LRMDA: variants seen among roughly 807,000 people sequenced by gnomAD.
The protein encoded by LRMDA is leucine-rich melanocyte differentiation-associated protein.
A neutral mutation model predicts 29.8 loss-of-function variants in LRMDA; 18 were observed. That is an observed-to-expected ratio of 0.60 (90% CI 0.42 to 0.90). LRMDA has a LOEUF of 0.90. Among genes scored for constraint, LRMDA ranks in the 40% least tolerant of loss-of-function variants. The probability of loss-of-function intolerance (pLI) is 0.00; values close to 1 mark genes in which losing one functional copy is unlikely to be tolerated. For missense variants in LRMDA, 273 were observed against 273.9 expected (o/e 1.00, Z 0.02); for synonymous variants, 125 against 109.4 (o/e 1.14, Z -0.89).
At chr10:76,004,134 T>C (rs1278630417) in intron 2 of LRMDA, among the ~76,000 whole-genome samples, 1 of 152,224 alleles carries the variant, frequency 6.6e-6, no homozygotes, top group African/African-American at 2.4e-5. Context: ...ACACCATAAG[T>C]TACTAGTTGC....
In LRMDA at chr10:76,241,401, C is replaced by A. The variant is rs186388312; in HGVS notation, c.517-83000C>A. Among the ~76,000 whole-genome samples the A allele has an allele frequency of 1.7e-3, 264 of 152,220 alleles. 2 individuals carry two copies. The highest frequency in any genetic ancestry group is 5.7e-3 in the African/African-American group (235 of 41,520). ...TTGAGCATCTTTTGATGATGGTGAC[C>A]TAAGTCCATTATTTCATTACAGGTG... is the stretch of plus-strand genomic sequence containing the variant. On this transcript the variant is annotated intron_variant, in intron 5 of 6. Transcript: ENST00000611255.
At chr10:75,638,827 T>TC (rs1208745251) in intron 2 of LRMDA, among the ~76,000 whole-genome samples, 1 of 152,154 alleles carries the variant, frequency 6.6e-6, no homozygotes, top group Non-Finnish European at 1.5e-5. Context: ...TTGTGTTTTT[T>TC]CCCCCCTAAA....
intron 5 of LRMDA, among the ~76,000 whole-genome samples, chr10:76,100,542 C>CTT (rs934003406): frequency 8.2e-6 from 1 of 121,240 alleles, no homozygotes; most frequent in African/African-American, 3.0e-5. Flanking sequence ...CAATCAATGG[C>CTT]TTTTGCTTTA....
At chr10:76,074,194 A>G (rs1848920499) in intron 5 of LRMDA, among the ~76,000 whole-genome samples, 1 of 152,252 alleles carries the variant, frequency 6.6e-6, no homozygotes, top group Non-Finnish European at 1.5e-5. Context: ...TGATTTGGAA[A>G]GCAAATCAAA....
At chr10:76,011,188 G>A (rs185528640) in intron 2 of LRMDA, among the ~76,000 whole-genome samples, 12 of 152,250 alleles carry the variant, frequency 7.9e-5, no homozygotes, top group South Asian at 4.1e-4. Context: ...TTGTGGGAGC[G>A]TCATCAAAGC....
At chr10:75,909,865 C>T (rs1018065908) in intron 2 of LRMDA, among the ~76,000 whole-genome samples, 3 of 152,146 alleles carry the variant, frequency 2.0e-5, no homozygotes, top group African/African-American at 7.2e-5. Flanking sequence ...GTGAGTACTT[C>T]TAAATTTTGA....
chr10:75,807,395 A>G (rs1428757800), intron 2 of LRMDA, among the ~76,000 whole-genome samples: 1 of 152,242 alleles, frequency 6.6e-6, no homozygotes, highest in East Asian at 1.9e-4. Context: ...GATGGCTCAC[A>G]TCGCCTAGCC....
chr10:75,759,034 A>G (rs1843064981), intron 2 of LRMDA, among the ~76,000 whole-genome samples: 1 of 151,970 alleles, frequency 6.6e-6, no homozygotes, highest in Non-Finnish European at 1.5e-5. Context: ...CTATATATCC[A>G]CATCTATCTG....
intron 6 of LRMDA, among the ~76,000 whole-genome samples, chr10:76,451,062 G>A (rs1268034883): frequency 2.0e-5 from 3 of 152,078 alleles, no homozygotes; most frequent in African/African-American, 7.2e-5. Flanking sequence ...GGATTGTTGT[G>A]CTCTAAGACC....
chr10:76,295,568 C>T (rs1465921041), intron 5 of LRMDA, among the ~76,000 whole-genome samples: 3 of 152,206 alleles, frequency 2.0e-5, no homozygotes, highest in Admixed American at 2.0e-4. Flanking sequence ...GCCGCCACCT[C>T]TTTGGGTGTG....
rs114552302 is a variant in LRMDA at position 75,753,146 on chromosome 10, G to A, written c.132-282862G>A. 2.6e-3 allele frequency among the ~76,000 whole-genome samples: 391 copies of A among 152,186 alleles called. 4 individuals are homozygous for A. The highest frequency in any genetic ancestry group is 9.0e-3 in the African/African-American group (375 of 41,520). ...AAGTTAGATAATCTGAAGGTACCCT[G>A]TTCATTTTTAAAGCCCTACAAAGCT... On this transcript the variant is annotated intron_variant, in intron 2 of 6. Coordinates refer to ENST00000611255, the MANE Select transcript of LRMDA (RefSeq NM_001305581.2).
intron 2 of LRMDA, among the ~76,000 whole-genome samples, chr10:75,968,838 G>T (rs553502143): frequency 1.3e-5 from 2 of 152,310 alleles, no homozygotes; most frequent in Non-Finnish European, 1.5e-5. Flanking sequence ...GTTTGAACAT[G>T]AAAACAAACC....
intron 5 of LRMDA, among the ~76,000 whole-genome samples, chr10:76,231,124 C>T (rs540401865): frequency 1.3e-5 from 2 of 150,780 alleles, no homozygotes; most frequent in South Asian, 2.1e-4. Flanking sequence ...AGATAAAAAG[C>T]CATTCATGTT....
intron 2 of LRMDA, among the ~76,000 whole-genome samples, chr10:75,952,372 A>T (rs1846591630): frequency 6.6e-6 from 1 of 152,242 alleles, no homozygotes; most frequent in Admixed American, 6.5e-5. Flanking sequence ...TCATATAAAA[A>T]AACTCCTTCA....
intron 2 of LRMDA, among the ~76,000 whole-genome samples, chr10:75,736,686 G>A (rs958374510): frequency 1.3e-5 from 2 of 152,256 alleles, no homozygotes; most frequent in African/African-American, 4.8e-5. Context: ...CAGCAGCATC[G>A]GCTTCAAGAA....
intron 5 of LRMDA, among the ~76,000 whole-genome samples, chr10:76,286,802 G>T (rs550388696): frequency 6.6e-6 from 1 of 152,212 alleles, no homozygotes; most frequent in East Asian, 1.9e-4. Flanking sequence ...ATTCAGATTT[G>T]CTGATTTGTC....
intron 6 of LRMDA, 104 bp downstream of exon 6, chr10:76,324,589 C>G: frequency 1.0e-6 from 1 of 996,922 alleles, no homozygotes. Flanking sequence ...AGAAAGAACA[C>G]AGTGCTTTTT....
chr10:75,859,600 TACACACACACAC>T (rs71024575), intron 2 of LRMDA, among the ~76,000 whole-genome samples: 23 of 77,602 alleles, frequency 3.0e-4, no homozygotes, highest in Middle Eastern at 5.3e-3. Flanking sequence ...ATTCAGGGCA[TACACACACACAC>T]ACACACACAC....
At chr10:75,955,803 T>C (rs1846654370) in intron 2 of LRMDA, among the ~76,000 whole-genome samples, 1 of 152,286 alleles carries the variant, frequency 6.6e-6, no homozygotes, top group East Asian at 1.9e-4. Context: ...TGCTGAGTTA[T>C]GCATGGGAGA....
Sources: allele counts gnomAD v4.1 joint callset (sites outside exome capture counted in the v4.1 genomes callset), GRCh38; gene constraint gnomAD v4.1.1; transcripts MANE v1.5; gene names NCBI Gene and HGNC (gene_info 2026-07-23, HGNC 2026-07-21).